Variants in COLQ observed in about 807,000 individuals in gnomAD.
COLQ encodes the protein collagen like tail subunit of asymmetric acetylcholinesterase, also known as acetylcholinesterase collagenic tail peptide.
In COLQ, 48 loss-of-function variants were observed where a neutral mutation model predicts 69.0. That is an observed-to-expected ratio of 0.70 (90% CI 0.55 to 0.88). The LOEUF (loss-of-function observed/expected upper bound fraction) is 0.88, where lower values mean the gene tolerates loss of function less well. Ranked by LOEUF, COLQ falls within the 40% of genes least tolerant of loss-of-function variation. The pLI is 0.00. For synonymous variants in COLQ, 217 were observed against 211.2 expected, an observed-to-expected ratio of 1.03 and a Z score of -0.24; for missense variants, 618 against 594.6, an observed-to-expected ratio of 1.04 and a Z score of -0.41.
intron 1 of COLQ, among the ~76,000 whole-genome samples, chr3:15,509,793 A>G (rs1044394846): frequency 2.6e-5 from 4 of 152,202 alleles, no homozygotes; most frequent in Non-Finnish European, 5.9e-5. Context: ...CCGGTTCCAT[A>G]GCCTGTGCAC....
intron 3 of COLQ, among the ~76,000 whole-genome samples, chr3:15,483,270 G>C (rs958776060): frequency 6.6e-6 from 1 of 151,988 alleles, no homozygotes; most frequent in Non-Finnish European, 1.5e-5. Context: ...GAATGTGTTT[G>C]CTCTTGCTTC....
chr3:15,483,805 C>T (rs1001827849), intron 3 of COLQ, among the ~76,000 whole-genome samples: 3 of 152,138 alleles, frequency 2.0e-5, no homozygotes, highest in African/African-American at 7.2e-5. Flanking sequence ...CTAATGTTGA[C>T]AGTGGGGTGT....
intron 1 of COLQ, among the ~76,000 whole-genome samples, chr3:15,519,612 C>T (rs1328173914): frequency 6.6e-6 from 1 of 152,186 alleles, no homozygotes; most frequent in Non-Finnish European, 1.5e-5. Context: ...CCGCCCACAC[C>T]TCTCAAAGTG....
chr3:15,475,446 T>G lies in COLQ; in HGVS notation c.507A>C (p.Ser169=). The part of the protein sequence containing the change: ...GDLGMMGLPG[S]RGPMGSKGYP... ...TGACCTTGGAGCCCATTGGTCCTCT[T>G]GACCCTGGCAAGCCCATCATACCCA... The change falls in exon 7 of 17, where the codon TCA becomes TCC. Residue 169 remains serine, a synonymous_variant. Transcript: ENST00000383788. 1 of 1,601,974 alleles carries G rather than the reference T, an allele frequency of 6.2e-7. No individual in the cohort carries two copies. The highest frequency in any genetic ancestry group is 2.2e-5 in the East Asian group (1 of 44,710).
chr3:15,489,628 C>A lies in COLQ; in HGVS notation c.116G>T (p.Ser39Ile), dbSNP rs1289941307. 3.1e-6 allele frequency: 5 copies of A among 1,614,024 alleles called. No homozygotes were observed. The Admixed American group carries it at 5.0e-5, about 16-fold the overall frequency. The stretch of plus-strand genomic sequence containing the variant: ...GCCACCACGCTTCTTCTGATCCAGG[C>A]TGGGAAGGGCTGTTCAGAGAAAACT... ...SVLPISAALP[S>I]LDQKKRGGHK... is the part of the protein sequence containing the mutation. The change falls in exon 2 of 17, where the codon AGC (serine) becomes ATC (isoleucine). Residue 39 changes from serine (S) to isoleucine (I), a missense_variant. By Grantham distance (142) the Ser-to-Ile change is moderately radical (BLOSUM62 -2). Transcript: ENST00000383788.
intron 13 of COLQ, 47 bp from the exon 14 acceptor site, chr3:15,456,626 G>C (rs1035415490): frequency 2.5e-6 from 4 of 1,609,888 alleles, no homozygotes; most frequent in Non-Finnish European, 3.4e-6. Flanking sequence ...ACTTCTGCAG[G>C]GGGCAGGAAA....
At position 15,466,802 on chromosome 3, in the gene COLQ, G is replaced by C. The variant is rs113928242; in HGVS notation, c.718-365C>G. On this transcript the variant is annotated intron_variant, in intron 11 of 16. Coordinates refer to ENST00000383788, the MANE Select transcript of COLQ (RefSeq NM_005677.4). Reference sequence around the variant, plus strand: ...GATAAAGACTTAGCTCTTTACTGCAGCCTGCGAAGCCTTGCATGGCTAGGC... The same window carrying C: ...GATAAAGACTTAGCTCTTTACTGCACCCTGCGAAGCCTTGCATGGCTAGGC... Among the ~76,000 whole-genome samples the C allele has an allele frequency of 5.1e-3, 773 of 152,344 alleles. 10 individuals carry two copies. The highest frequency in any genetic ancestry group is 0.017 in the African/African-American group (721 of 41,580).
At chr3:15,456,382 G>T in intron 14 of COLQ, 78 bp downstream of exon 14, 2 of 1,593,032 alleles carry the variant, frequency 1.3e-6, no homozygotes, top group Non-Finnish European at 1.7e-6. Context: ...GGCCCAGTGG[G>T]GTGGCCTTCC....
Position 15,451,329 on chromosome 3 carries a change from C to T in COLQ, c.*315G>A, listed in dbSNP as rs1258940809. Reference sequence around the variant, plus strand: ...GTGTCTAACAGTGCTCAGCCAAGTCCACGGCCTGGGTCAGCAACATTCCAG... The same window carrying T: ...GTGTCTAACAGTGCTCAGCCAAGTCTACGGCCTGGGTCAGCAACATTCCAG... On this transcript the variant is annotated 3_prime_UTR_variant, in exon 17 of 17. Coordinates refer to ENST00000383788, the MANE Select transcript of COLQ (RefSeq NM_005677.4). 1.8e-5 allele frequency: 9 copies of T among 506,556 alleles called. No homozygotes were observed. The highest frequency in any genetic ancestry group is 2.6e-5 in the Non-Finnish European group (7 of 273,402). 31.4% of individuals were successfully genotyped at this position (506,556 alleles called of 1,614,324 possible). A position where few individuals can be genotyped will look rare whatever the true frequency, so the allele number is the denominator to read the frequency against.
chr3:15,475,287 G>C (rs1309658111), intron 7 of COLQ, 138 bp downstream of exon 7: 2 of 866,078 alleles, frequency 2.3e-6, no homozygotes, highest in Non-Finnish European at 3.8e-6. Flanking sequence ...CCAAAGGGCT[G>C]GTAAAGGCAG....
intron 11 of COLQ, among the ~76,000 whole-genome samples, chr3:15,470,247 T>C (rs1053427740): frequency 6.6e-6 from 1 of 152,228 alleles, no homozygotes; most frequent in African/African-American, 2.4e-5. Context: ...CTTCCATTCC[T>C]AGCTGCTTTG....
rs553398332 is a variant in COLQ, at chr3:15,465,989, T to C, written c.814+352A>G. Among the ~76,000 whole-genome samples, 3 of 152,328 alleles carry C rather than the reference T, an allele frequency of 2.0e-5. 1 individual carries two copies. In the South Asian group the frequency reaches 6.2e-4, roughly 32 times the overall value. On this transcript the variant is annotated intron_variant, in intron 12 of 16. Coordinates refer to ENST00000383788, the MANE Select transcript of COLQ (RefSeq NM_005677.4). ...AAACCTGCAATGTCACCTTTACTTCTAGGTTTAAGAGAATTGCTTGGAGCC... is the reference window on the plus strand; with the variant it reads ...AAACCTGCAATGTCACCTTTACTTCCAGGTTTAAGAGAATTGCTTGGAGCC...
intron 3 of COLQ, among the ~76,000 whole-genome samples, chr3:15,480,715 T>C (rs2062468008): frequency 6.6e-6 from 1 of 152,174 alleles, no homozygotes; most frequent in Non-Finnish European, 1.5e-5. Flanking sequence ...GATGGCTGGG[T>C]CAAATGGTGT....
At chr3:15,476,035 C>T (rs372474910) in intron 6 of COLQ, among the ~76,000 whole-genome samples, 39 of 152,232 alleles carry the variant, frequency 2.6e-4, no homozygotes, top group African/African-American at 6.7e-4. Context: ...TAAAACTAAA[C>T]GAATGAAGTT....
At chr3:15,506,122 T>C (rs1009672825) in intron 1 of COLQ, among the ~76,000 whole-genome samples, 2 of 152,192 alleles carry the variant, frequency 1.3e-5, no homozygotes, top group African/African-American at 4.8e-5. Flanking sequence ...TTGATCCCTT[T>C]GGACTCAGTT....
chr3:15,499,013 A>T, intron 1 of COLQ: 4 of 1,055,718 alleles, frequency 3.8e-6, no homozygotes, highest in Non-Finnish European at 2.3e-6. Flanking sequence ...GGTAAGCCTC[A>T]AAGTCAACCC....
Position 15,451,410 on chromosome 3 carries a change from G to T in COLQ, c.*234C>A. 1.5e-6 allele frequency: 1 copy of T among 669,118 alleles called. No homozygotes were observed. Among genetic ancestry groups the T allele is most frequent in the Non-Finnish European group, 2.7e-6 (1 of 363,712 alleles). The allele number at this position is 669,118 out of a possible 1,614,324, so 41.4% of individuals were successfully genotyped here. ...GCCAAATGGTAGCGATGGGGAACAG[G>T]TCTCAGGTTGGGCATGTGGAAGGTT... On this transcript the variant is annotated 3_prime_UTR_variant, in exon 17 of 17. Coordinates refer to ENST00000383788, the MANE Select transcript of COLQ (RefSeq NM_005677.4).
At chr3:15,487,354 C>T (rs1476383447) in intron 3 of COLQ, among the ~76,000 whole-genome samples, 1 of 152,114 alleles carries the variant, frequency 6.6e-6, no homozygotes, top group Admixed American at 6.5e-5. Flanking sequence ...TTTGAGAACC[C>T]GAGAGATGGT....
At chr3:15,469,918 A>G (rs376865611) in intron 11 of COLQ, among the ~76,000 whole-genome samples, 1 of 152,224 alleles carries the variant, frequency 6.6e-6, no homozygotes, top group East Asian at 1.9e-4. Context: ...GCTTCCATCC[A>G]AAGATGTTTA....
Sources: allele counts gnomAD v4.1 joint callset (sites outside exome capture counted in the v4.1 genomes callset), GRCh38; gene constraint gnomAD v4.1.1; transcripts MANE v1.5; gene names NCBI Gene and HGNC (gene_info 2026-07-23, HGNC 2026-07-21).